RBFOX1: variants seen among roughly 807,000 people sequenced by gnomAD.
RBFOX1 encodes RNA binding protein fox-1 homolog 1.
A neutral mutation model predicts 57.7 loss-of-function variants in RBFOX1; 8 were observed. The ratio of observed to expected loss-of-function variants is 0.14; its 90% CI spans 0.08 to 0.25. The LOEUF is 0.25. RBFOX1 is among the 10% of genes least tolerant of loss of function. The pLI is 1.00. For synonymous variants in RBFOX1, 326 were observed against 222.4 expected, an observed-to-expected ratio of 1.47 and a Z score of -4.15; for missense variants, 611 against 548.5, an observed-to-expected ratio of 1.11 and a Z score of -1.14.
chr16:6,843,629 C>T (rs2093609212), intron 3 of RBFOX1, among the ~76,000 whole-genome samples: 1 of 152,176 alleles, frequency 6.6e-6, no homozygotes, highest in Non-Finnish European at 1.5e-5. Flanking sequence ...GTGGAGCTTG[C>T]AGTGAGCCGA....
chr16:7,329,835 A>G (rs2096661077), intron 4 of RBFOX1, among the ~76,000 whole-genome samples: 1 of 152,202 alleles, frequency 6.6e-6, no homozygotes, highest in Non-Finnish European at 1.5e-5. Flanking sequence ...TCCCCGGCAC[A>G]AGGTATAACT....
At chr16:7,001,404 A>ATGTATATGTATATGTATT (rs1568311914) in intron 3 of RBFOX1, among the ~76,000 whole-genome samples, 22 of 43,804 alleles carry the variant, frequency 5.0e-4, no homozygotes, top group African/African-American at 1.0e-3. Context: ...GTATTTGTAT[A>ATGTATATGTATATGTATT]TGTATATGTA....
intron 11 of RBFOX1, among the ~76,000 whole-genome samples, chr16:7,632,391 T>C (rs181706406): frequency 6.6e-6 from 1 of 152,182 alleles, no homozygotes; most frequent in South Asian, 2.1e-4. Context: ...CTCCTGAAAT[T>C]GTAATGTTAC....
intron 2 of RBFOX1, among the ~76,000 whole-genome samples, chr16:6,405,951 C>T (rs1262856035): frequency 1.3e-5 from 2 of 152,162 alleles, no homozygotes; most frequent in Non-Finnish European, 2.9e-5. Context: ...TCCAAGGATA[C>T]ACATATTCCT....
intron 4 of RBFOX1, among the ~76,000 whole-genome samples, chr16:7,205,454 G>T (rs1331655746): frequency 6.6e-6 from 1 of 151,270 alleles, no homozygotes; most frequent in Non-Finnish European, 1.5e-5. Context: ...GGAGGTGGAG[G>T]TTGAAGTGAG....
intron 4 of RBFOX1, among the ~76,000 whole-genome samples, chr16:7,379,786 C>A (rs1465677879): frequency 6.6e-6 from 1 of 150,548 alleles, no homozygotes; most frequent in Non-Finnish European, 1.5e-5. Flanking sequence ...TCCGTCCTGC[C>A]TGCCTGCCTC....
chr16:6,173,223 G>T (rs1336321496), intron 1 of RBFOX1, among the ~76,000 whole-genome samples: 1 of 152,132 alleles, frequency 6.6e-6, no homozygotes, highest in Non-Finnish European at 1.5e-5. Flanking sequence ...CTTCTGAGGG[G>T]TGGGGTAGGC....
In RBFOX1 at chr16:5,589,029, A is replaced by C. The variant is rs17499976; in HGVS notation, c.259-9873A>C. Among the ~76,000 whole-genome samples the C allele has an allele frequency of 5.1e-3, 782 of 152,258 alleles. 6 individuals carry two copies. Among genetic ancestry groups the C allele is most frequent in the Middle Eastern group, 0.01 (3 of 294 alleles). On this transcript the variant is annotated intron_variant, in intron 2 of 2. Transcript: ENST00000585867. The stretch of plus-strand genomic sequence containing the variant: ...TTAATCTTCTGGATGTAGCTGAAAA[A>C]CTGCATAGAGAGGGCATCCATCAGG...
intron 4 of RBFOX1, among the ~76,000 whole-genome samples, chr16:7,316,845 A>G (rs144907142): frequency 1.2e-4 from 18 of 152,090 alleles, no homozygotes; most frequent in African/African-American, 4.1e-4. Flanking sequence ...TGGAAAAACA[A>G]AGGGACCAGG....
At chr16:7,652,576 T>G (rs780815794) in intron 11 of RBFOX1, among the ~76,000 whole-genome samples, 7 of 151,934 alleles carry the variant, frequency 4.6e-5, no homozygotes, top group Non-Finnish European at 1.0e-4. Context: ...CCTGACCAAT[T>G]TTTGTATTTT....
intron 3 of RBFOX1, among the ~76,000 whole-genome samples, chr16:5,797,542 A>T (rs2054919318): frequency 6.6e-6 from 1 of 152,166 alleles, no homozygotes; most frequent in African/African-American, 2.4e-5. Context: ...CCAATTATGA[A>T]GTTGACCCTT....
At chr16:7,120,280 T>C (rs1368950544) in intron 4 of RBFOX1, among the ~76,000 whole-genome samples, 1 of 139,738 alleles carries the variant, frequency 7.2e-6, no homozygotes, top group East Asian at 2.8e-4. Flanking sequence ...TAAGAGACTA[T>C]TAAAAAAAGC....
intron 3 of RBFOX1, among the ~76,000 whole-genome samples, chr16:6,850,383 A>G (rs2093998230): frequency 6.6e-6 from 1 of 152,172 alleles, no homozygotes; most frequent in South Asian, 2.1e-4. Flanking sequence ...CTACTTAGGT[A>G]GGTTGGTCCT....
intron 4 of RBFOX1, among the ~76,000 whole-genome samples, chr16:7,344,898 G>T (rs996853994): frequency 2.6e-5 from 4 of 152,156 alleles, no homozygotes; most frequent in Admixed American, 2.6e-4. Context: ...TGAGCAGAAG[G>T]CTAATGCGAT....
At chr16:7,230,734 C>G (rs1182714974) in intron 4 of RBFOX1, among the ~76,000 whole-genome samples, 1 of 152,170 alleles carries the variant, frequency 6.6e-6, no homozygotes, top group Non-Finnish European at 1.5e-5. Flanking sequence ...CTTCTGTCAA[C>G]TTAGCACCAA....
At chr16:7,442,410 C>T (rs538613633) in intron 4 of RBFOX1, among the ~76,000 whole-genome samples, 12 of 152,054 alleles carry the variant, frequency 7.9e-5, no homozygotes, top group Non-Finnish European at 1.6e-4. Flanking sequence ...AACTCTGGGC[C>T]CTGCAACTCT....
chr16:5,474,472 G>A (rs2069248886), intron 2 of RBFOX1, among the ~76,000 whole-genome samples: 1 of 152,266 alleles, frequency 6.6e-6, no homozygotes, highest in South Asian at 2.1e-4. Flanking sequence ...TGGCCAACAT[G>A]GTGAAACCCC....
At chr16:5,914,102 T>G (rs1002931880) in intron 4 of RBFOX1, among the ~76,000 whole-genome samples, 3 of 152,200 alleles carry the variant, frequency 2.0e-5, no homozygotes, top group Non-Finnish European at 1.5e-5. Flanking sequence ...ACTTTCAAGC[T>G]GTGTTGTCTC....
At chr16:7,151,982 G>A (rs2076198864) in intron 4 of RBFOX1, among the ~76,000 whole-genome samples, 1 of 152,190 alleles carries the variant, frequency 6.6e-6, no homozygotes, top group African/African-American at 2.4e-5. Context: ...CTCCTGCTGT[G>A]TGGCCTGGTT....
Sources: allele counts gnomAD v4.1 joint callset (sites outside exome capture counted in the v4.1 genomes callset), GRCh38; gene constraint gnomAD v4.1.1; transcripts MANE v1.5; gene names NCBI Gene and HGNC (gene_info 2026-07-23, HGNC 2026-07-21).